The following MSL2 variants were observed in gnomAD, a reference collection of about 807,000 sequenced individuals.
The protein encoded by MSL2 is MSL complex subunit 2, also known as E3 ubiquitin-protein ligase MSL2.
MSL2 carries 2 observed loss-of-function variants against 35.8 expected under a neutral mutation model. The ratio of observed to expected loss-of-function variants is 0.06; its 90% CI spans 0.02 to 0.18. MSL2 has a LOEUF of 0.18. Ranked by LOEUF, MSL2 falls within the 10% of genes least tolerant of loss-of-function variation. MSL2 has a pLI of 1.00. For synonymous variants in MSL2, 296 were observed against 255.7 expected (o/e 1.16, Z -1.50); for missense variants, 523 against 706.7 (o/e 0.74, Z 2.95).
chr3:136,166,675 T>G (rs911500533), intron 1 of MSL2, among the ~76,000 whole-genome samples: 5 of 152,160 alleles, frequency 3.3e-5, no homozygotes, highest in Non-Finnish European at 7.3e-5. Context: ...TGAAGCAGCA[T>G]AAGTTTGAGA....
At chr3:136,174,843 T>A (rs953034177) in intron 1 of MSL2, among the ~76,000 whole-genome samples, 1 of 152,236 alleles carries the variant, frequency 6.6e-6, no homozygotes, top group Non-Finnish European at 1.5e-5. Flanking sequence ...TATGTATATG[T>A]ATATTAAATG....
In MSL2 at chr3:136,151,781, C is replaced by G; in HGVS notation, c.1100G>C (p.Gly367Ala). The stretch of plus-strand genomic sequence containing the variant: ...TTTCACTGTCACAGGAGCAGATGCC[C>G]CCAGTGTTGGGCCTCGGATAATGGT... ...ISTIIRGPTL[G>A]ASAPVTVKRE... is the part of the protein sequence containing the mutation. The change falls in exon 2 of 2, where the codon GGG (glycine) becomes GCG (alanine). Residue 367 changes from glycine to alanine, a missense_variant. Gly to Ala is a moderately conservative substitution (Grantham distance 60). Around this residue, in one of 5 missense-constraint regions of MSL2, gnomAD observed 361 missense variants for 414.6 expected, o/e 0.87. Coordinates refer to ENST00000309993, the MANE Select transcript of MSL2 (RefSeq NM_018133.4). This position sits in a 1 kb window ranked among gnomAD's most constrained non-coding sequence, Gnocchi z 5.2. The G allele has an allele frequency of 6.2e-7, 1 of 1,614,110 alleles. No homozygotes were observed. The highest frequency in any genetic ancestry group is 8.5e-7 in the Non-Finnish European group (1 of 1,180,024).
chr3:136,161,699 C>A (rs1408566565), intron 1 of MSL2, among the ~76,000 whole-genome samples: 1 of 152,068 alleles, frequency 6.6e-6, no homozygotes, highest in Non-Finnish European at 1.5e-5. Flanking sequence ...GAGAGTGGAG[C>A]AGTCATTAAC....
At chr3:136,178,034 TAAAC>T (rs1347731860) in intron 1 of MSL2, among the ~76,000 whole-genome samples, 3 of 152,170 alleles carry the variant, frequency 2.0e-5, no homozygotes, top group Admixed American at 2.0e-4. Flanking sequence ...CAACTACCAT[TAAAC>T]AAAGACTCAT....
chr3:136,191,296 G>A (rs745931959), intron 1 of MSL2, among the ~76,000 whole-genome samples: 6 of 151,774 alleles, frequency 4.0e-5, no homozygotes, highest in Non-Finnish European at 8.8e-5. Context: ...GTGAAACCCC[G>A]TCTCTACAAA....
intron 1 of MSL2, among the ~76,000 whole-genome samples, chr3:136,159,399 T>C (rs1939635242): frequency 7.3e-6 from 1 of 136,906 alleles, no homozygotes; most frequent in Non-Finnish European, 1.5e-5. Context: ...ATTCTCGCTC[T>C]GTCGCCCAGG....
chr3:136,169,900 T>TA (rs1939971842), intron 1 of MSL2, among the ~76,000 whole-genome samples: 2 of 148,732 alleles, frequency 1.3e-5, no homozygotes, highest in South Asian at 4.3e-4. Context: ...CTACTAAAAA[T>TA]AAAAAAGTAG....
chr3:136,167,340 A>G (rs924542019), intron 1 of MSL2, among the ~76,000 whole-genome samples: 1 of 146,120 alleles, frequency 6.8e-6, no homozygotes, highest in Non-Finnish European at 1.5e-5. Flanking sequence ...GTTGTTCTAT[A>G]GAAAAAAAAA....
At chr3:136,188,493 T>C (rs1032918024) in intron 1 of MSL2, among the ~76,000 whole-genome samples, 8 of 150,852 alleles carry the variant, frequency 5.3e-5, no homozygotes, top group Non-Finnish European at 8.8e-5. Flanking sequence ...CTCATGCCTA[T>C]AATCCTAGCA....
chr3:136,180,760 A>AGGAGGGAGGGAGGGAGGGAGGGAG (rs1170359510), intron 1 of MSL2, among the ~76,000 whole-genome samples: 1 of 41,602 alleles, frequency 2.4e-5, no homozygotes, highest in Non-Finnish European at 4.6e-5. Flanking sequence ...GAAGGAGGGA[A>AGGAGGGAGGGAGGGAGGGAGGGAG]GGAGGGAGGG....
chr3:136,175,081 C>G (rs1576367843), intron 1 of MSL2, among the ~76,000 whole-genome samples: 1 of 152,174 alleles, frequency 6.6e-6, no homozygotes, highest in South Asian at 2.1e-4. Flanking sequence ...CATGGTGGCT[C>G]ACGCCTATAA....
rs1489819311 is a variant in MSL2 at position 136,152,569 on chromosome 3, T to A, written c.312A>T (p.Lys104Asn). The change falls in exon 2 of 2, where the codon AAA becomes AAT. Residue 104 changes from lysine to asparagine, a missense_variant. Coordinates refer to ENST00000309993, the MANE Select transcript of MSL2 (RefSeq NM_018133.4). The part of the protein sequence containing the change: ...KQLSILVNCY[K>N]KLCEYITQTT... Reference sequence around the variant, plus strand: ...TCTGTGTTATATACTCGCATAGTTTTTTGTAGCAGTTCACTAGGATGCTTA... The same window carrying A: ...TCTGTGTTATATACTCGCATAGTTTATTGTAGCAGTTCACTAGGATGCTTA... The A allele has an allele frequency of 6.2e-7, 1 of 1,614,210 alleles. No homozygotes were observed.
At chr3:136,194,510 G>C in intron 1 of MSL2, 1 of 955,782 alleles carries the variant, frequency 1.0e-6, no homozygotes, top group Non-Finnish European at 1.2e-6. Context: ...TTCTCCAGCT[G>C]TGGGTTCATC....
chr3:136,171,515 C>T (rs1940024787), intron 1 of MSL2, among the ~76,000 whole-genome samples: 1 of 152,204 alleles, frequency 6.6e-6, no homozygotes, highest in Non-Finnish European at 1.5e-5. Flanking sequence ...ACAGGTCTCA[C>T]AGCCTCAGCA....
At chr3:136,157,473 G>A (rs1272897148) in intron 1 of MSL2, among the ~76,000 whole-genome samples, 1 of 152,176 alleles carries the variant, frequency 6.6e-6, no homozygotes, top group African/African-American at 2.4e-5. Flanking sequence ...CTCAACTCCA[G>A]CCTGGGCGAC....
At chr3:136,170,508 C>CTTTTTTTTTTTT (rs71157363) in intron 1 of MSL2, among the ~76,000 whole-genome samples, 1 of 81,620 alleles carries the variant, frequency 1.2e-5, no homozygotes, top group Non-Finnish European at 2.3e-5. Context: ...AAACTCTGTC[C>CTTTTTTTTTTTT]TTTTTTTTTT....
At chr3:136,170,695 G>A (rs767061142) in intron 1 of MSL2, among the ~76,000 whole-genome samples, 2 of 151,614 alleles carry the variant, frequency 1.3e-5, no homozygotes, top group Non-Finnish European at 2.9e-5. Context: ...TTTTAGTAGA[G>A]ACATTCACTA....
chr3:136,155,768 G>A lies in MSL2; in HGVS notation c.143-3030C>T, dbSNP rs1266940646. 18 of 556,640 alleles carry A rather than the reference G, an allele frequency of 3.2e-5. No homozygotes were observed. The East Asian group carries it at 4.6e-4, about 14-fold the overall frequency. 34.5% of individuals were successfully genotyped at this position (556,640 alleles called of 1,614,324 possible). ...AGACGGAATTGTGAGCACCATGTAC[G>A]TATGCAAAGAGAACTGTGGGTCTGT... is the stretch of plus-strand genomic sequence containing the variant. On this transcript the variant is annotated intron_variant, in intron 1 of 1. Transcript: ENST00000309993.
intron 1 of MSL2, among the ~76,000 whole-genome samples, chr3:136,189,988 G>A (rs942724881): frequency 6.6e-6 from 1 of 151,972 alleles, no homozygotes. Flanking sequence ...GGCTGAGGTG[G>A]GAGGATCACC....
Sources: gnomAD v4.1 joint callset for allele counts (sites outside exome capture counted in the v4.1 genomes callset) on GRCh38, gnomAD v4.1.1 for gene constraint, gnomAD v4.1.1 regional missense constraint, Gnocchi (gnomAD v3.1) non-coding constraint, MANE v1.5 for transcripts, NCBI Gene and HGNC (gene_info 2026-07-23, HGNC 2026-07-21) for gene names.